SMARCAD1: variants seen among roughly 807,000 people sequenced by gnomAD.
The protein encoded by SMARCAD1 is SNF2 related chromatin remodeling ATPase with DExD box 1, also known as SWI/SNF-related matrix-associated actin-dependent regulator of chromatin subfamily A containing DEAD/H box 1.
SMARCAD1 carries 25 observed loss-of-function variants against 127.1 expected under a neutral mutation model. That is an observed-to-expected ratio of 0.20 (90% CI 0.14 to 0.27). SMARCAD1 has a LOEUF of 0.27. SMARCAD1 is among the 10% of genes least tolerant of loss of function. The pLI is 1.00. For missense variants in SMARCAD1, 807 were observed against 1,206.0 expected, an observed-to-expected ratio of 0.67 and a Z score of 4.90; for synonymous variants, 400 against 396.9, an observed-to-expected ratio of 1.01 and a Z score of -0.09.
At chr4:94,256,599 G>T (rs1280966316) in intron 9 of SMARCAD1, among the ~76,000 whole-genome samples, 1 of 152,142 alleles carries the variant, frequency 6.6e-6, no homozygotes, top group Non-Finnish European at 1.5e-5. Flanking sequence ...CTGACCTCAG[G>T]TGATCCACCT....
At chr4:94,265,655 G>A (rs1751633400) in intron 10 of SMARCAD1, among the ~76,000 whole-genome samples, 1 of 151,518 alleles carries the variant, frequency 6.6e-6, no homozygotes, top group Admixed American at 6.6e-5. Context: ...TAAGTAGTTT[G>A]GAGACTCAGA....
At chr4:94,221,404 C>CT (rs1038265873) in intron 2 of SMARCAD1, among the ~76,000 whole-genome samples, 19 of 152,212 alleles carry the variant, frequency 1.2e-4, no homozygotes, top group African/African-American at 4.6e-4. Flanking sequence ...GCAAATAACT[C>CT]TAAGAAATTA....
At chr4:94,244,689 C>T (rs1748136971) in intron 6 of SMARCAD1, among the ~76,000 whole-genome samples, 1 of 151,836 alleles carries the variant, frequency 6.6e-6, no homozygotes, top group South Asian at 2.1e-4. Flanking sequence ...TGGATGGCTG[C>T]CCACATTTGC....
Position 94,252,809 on chromosome 4 carries a change from T to G in SMARCAD1, c.1083T>G (p.Asp361Glu), listed in dbSNP as rs1162757852. 1 of 1,614,094 alleles carries G rather than the reference T, an allele frequency of 6.2e-7. No homozygotes were observed. The highest frequency in any genetic ancestry group is 1.1e-5 in the South Asian group (1 of 91,086). The stretch of plus-strand genomic sequence containing the variant: ...GAGTTGTTGAAGACTCTGAATATGA[T>G]TCAGGTTCTGATGTCGGTAGTTCAC... ...PKRVVEDSEYDSGSDVGSSLD... is the reference protein window; with the variant it reads ...PKRVVEDSEYESGSDVGSSLD... The change falls in exon 9 of 24, where the codon GAT (aspartate) becomes GAG (glutamate). Residue 361 changes from aspartate to glutamate, a missense_variant. Transcript: ENST00000354268.
At chr4:94,248,843 GA>G (rs1248369607) in intron 6 of SMARCAD1, among the ~76,000 whole-genome samples, 8 of 152,148 alleles carry the variant, frequency 5.3e-5, no homozygotes, top group African/African-American at 1.9e-4. Flanking sequence ...TACTGAAAGA[GA>G]AAAATAGCAA....
intron 3 of SMARCAD1, among the ~76,000 whole-genome samples, chr4:94,233,313 T>G (rs990035749): frequency 2.0e-5 from 3 of 152,208 alleles, no homozygotes; most frequent in African/African-American, 7.2e-5. Context: ...AAATGAGATT[T>G]TTTTGTTTAG....
chr4:94,282,201 G>A lies in SMARCAD1; in HGVS notation c.2726+611G>A, dbSNP rs1358306001. Among the ~76,000 whole-genome samples, 4 of 66,132 alleles carry A rather than the reference G, an allele frequency of 6.0e-5. 1 individual carries two copies. Among genetic ancestry groups the A allele is most frequent in the Non-Finnish European group, 1.3e-4 (4 of 31,232 alleles). 43.4% of individuals were successfully genotyped at this position (66,132 alleles called of 152,430 possible). A position where few individuals can be genotyped will look rare whatever the true frequency, so the allele number is the denominator to read the frequency against. On this transcript the variant is annotated intron_variant, in intron 21 of 23. Transcript: ENST00000354268. The stretch of plus-strand genomic sequence containing the variant: ...TGCAAGCTCCGCCTCCTGGGTTCAC[G>A]CCATTCTGCCTCAGCCTCCCGAGTA...
intron 2 of SMARCAD1, among the ~76,000 whole-genome samples, chr4:94,224,096 T>G (rs1004951545): frequency 6.6e-6 from 1 of 152,224 alleles, no homozygotes; most frequent in Non-Finnish European, 1.5e-5. Context: ...TTTATTACTT[T>G]GTGTATGATG....
intron 8 of SMARCAD1, among the ~76,000 whole-genome samples, 180 bp downstream of exon 8, chr4:94,251,013 G>A (rs927359478): frequency 4.6e-5 from 7 of 152,228 alleles, no homozygotes; most frequent in Middle Eastern, 3.4e-3. Flanking sequence ...GTTTTGACCT[G>A]CCTGTTCTTT....
At chr4:94,279,206 A>G (rs1021893922) in intron 19 of SMARCAD1, among the ~76,000 whole-genome samples, 156 bp downstream of exon 19, 1 of 152,164 alleles carries the variant, frequency 6.6e-6, no homozygotes, top group Non-Finnish European at 1.5e-5. Flanking sequence ...TTGCCAAGGC[A>G]GGCAGTCTGG....
chr4:94,236,512 TA>T (rs1220098365), intron 4 of SMARCAD1, among the ~76,000 whole-genome samples: 2 of 150,818 alleles, frequency 1.3e-5, no homozygotes, highest in African/African-American at 2.4e-5. Context: ...CCCTAGAAAT[TA>T]AAAAAAAAGT....
chr4:94,266,111 C>T (rs1273611715), intron 10 of SMARCAD1, among the ~76,000 whole-genome samples: 1 of 151,994 alleles, frequency 6.6e-6, no homozygotes, highest in Non-Finnish European at 1.5e-5. Flanking sequence ...CACAAAGAAG[C>T]TCTTTTCTCT....
chr4:94,212,228 G>A (rs984886507), intron 2 of SMARCAD1, among the ~76,000 whole-genome samples: 2 of 152,274 alleles, frequency 1.3e-5, no homozygotes, highest in East Asian at 3.9e-4. Context: ...AGGCTAGAGT[G>A]CAGTGGCAGA....
intron 2 of SMARCAD1, among the ~76,000 whole-genome samples, chr4:94,217,602 G>A (rs950748686): frequency 4.6e-5 from 7 of 152,102 alleles, no homozygotes; most frequent in Non-Finnish European, 1.0e-4. Context: ...AGAGAATGTG[G>A]TCTGTAGTAT....
chr4:94,254,442 G>A (rs762915788), intron 9 of SMARCAD1, among the ~76,000 whole-genome samples: 2 of 152,030 alleles, frequency 1.3e-5, no homozygotes, highest in African/African-American at 4.8e-5. Flanking sequence ...ATACTTGCCC[G>A]AATATCTTAT....
chr4:94,290,203 T>G lies in SMARCAD1; in HGVS notation c.*669T>G, dbSNP rs1397740070. The G allele has an allele frequency of 2.2e-6, 1 of 454,386 alleles. No homozygotes were observed. The highest frequency in any genetic ancestry group is 4.4e-6 in the Non-Finnish European group (1 of 226,764). 28.1% of individuals were successfully genotyped at this position (454,386 alleles called of 1,614,324 possible). On this transcript the variant is annotated 3_prime_UTR_variant, in exon 24 of 24. Transcript: ENST00000354268. ...AATAGTAACTAAAGAAGCCCCTACCTTGCTCCATGGATTAATTCCTTCTGT... is the reference window on the plus strand; with the variant it reads ...AATAGTAACTAAAGAAGCCCCTACCGTGCTCCATGGATTAATTCCTTCTGT...
intron 22 of SMARCAD1, 63 bp downstream of exon 22, chr4:94,283,366 AG>A: frequency 6.6e-7 from 1 of 1,511,810 alleles, no homozygotes; most frequent in Non-Finnish European, 9.1e-7. Flanking sequence ...GTAGACCATT[AG>A]AATATAGTGT....
At chr4:94,224,165 A>G (rs187805729) in intron 2 of SMARCAD1, among the ~76,000 whole-genome samples, 6 of 152,300 alleles carry the variant, frequency 3.9e-5, no homozygotes, top group African/African-American at 1.2e-4. Flanking sequence ...TTATTCCACT[A>G]CAGAGTTGTT....
chr4:94,235,036 G>A (rs1375992311), intron 4 of SMARCAD1, among the ~76,000 whole-genome samples: 3 of 152,104 alleles, frequency 2.0e-5, no homozygotes, highest in Non-Finnish European at 4.4e-5. Context: ...CATAAGGCTG[G>A]ATTTTTATTG....
Sources: gnomAD v4.1 joint callset for allele counts (sites outside exome capture counted in the v4.1 genomes callset) on GRCh38, gnomAD v4.1.1 for gene constraint, MANE v1.5 for transcripts, NCBI Gene and HGNC (gene_info 2026-07-23, HGNC 2026-07-21) for gene names.